The following DCHS2 variants were observed in gnomAD, a reference collection of about 807,000 sequenced individuals.
DCHS2 encodes the protein dachsous cadherin-related 2.
A neutral mutation model predicts 182.4 loss-of-function variants in DCHS2; 142 were observed. That is an observed-to-expected ratio of 0.78 (90% CI 0.68 to 0.89). DCHS2 has a LOEUF of 0.89. Ranked by LOEUF, DCHS2 falls within the 40% of genes least tolerant of loss-of-function variation. DCHS2 has a pLI of 0.00. For missense variants in DCHS2, 4,319 were observed against 4,198.6 expected (o/e 1.03, Z -0.79); for synonymous variants, 1,740 against 1,663.3 (o/e 1.05, Z -1.12).
intron 1 of DCHS2, among the ~76,000 whole-genome samples, chr4:154,428,932 T>A (rs1483668169): frequency 6.8e-6 from 1 of 148,094 alleles, no homozygotes; most frequent in East Asian, 2.0e-4. Context: ...GGAAAGTGGG[T>A]AAAAAGGCAA....
chr4:154,322,814 T>C, intron 7 of DCHS2: 1 of 258,266 alleles, frequency 3.9e-6, no homozygotes, highest in Non-Finnish European at 7.3e-6. Context: ...TTTTTTGAAG[T>C]AAGTTCCAGA....
At chr4:154,291,285 A>G (rs1369049855) in intron 13 of DCHS2, among the ~76,000 whole-genome samples, 3 of 148,844 alleles carry the variant, frequency 2.0e-5, no homozygotes, top group African/African-American at 7.5e-5. Flanking sequence ...AAAAGACAGG[A>G]AAAAAAAAAT....
Position 154,461,165 on chromosome 4 carries a change from C to T in DCHS2, c.2052+28139G>A, listed in dbSNP as rs1310755849. On this transcript the variant is annotated intron_variant, in intron 1 of 19. Coordinates refer to ENST00000357232, the MANE Select transcript of DCHS2 (RefSeq NM_001358235.2). ...ATCCTAGGCCCTGACCCATACTAAG[C>T]AATAGTATCACCAAAATTCAAATGC... 3.3e-5 allele frequency among the ~76,000 whole-genome samples: 5 copies of T among 152,254 alleles called. No individual in the cohort carries two copies. The East Asian group carries it at 9.6e-4, about 29-fold the overall frequency.
At chr4:154,239,378 A>G (rs1731692189) in intron 18 of DCHS2, 76 bp from the exon 19 acceptor site, 2 of 1,576,366 alleles carry the variant, frequency 1.3e-6, no homozygotes, top group Non-Finnish European at 8.6e-7. Flanking sequence ...ACAGAACATG[A>G]GGTCATTTTA....
intron 1 of DCHS2, among the ~76,000 whole-genome samples, chr4:154,416,929 G>C (rs564953001): frequency 6.6e-6 from 1 of 151,972 alleles, no homozygotes; most frequent in African/African-American, 2.4e-5. Flanking sequence ...ACACGAAATC[G>C]CTCCTTTCCT....
chr4:154,413,074 T>C (rs1353709174), intron 1 of DCHS2, among the ~76,000 whole-genome samples: 3 of 152,184 alleles, frequency 2.0e-5, no homozygotes, highest in African/African-American at 7.2e-5. Context: ...AGCAGGCTTA[T>C]TTTTAATTAC....
intron 1 of DCHS2, among the ~76,000 whole-genome samples, chr4:154,480,125 G>T (rs2111034892): frequency 6.6e-6 from 1 of 152,278 alleles, no homozygotes; most frequent in South Asian, 2.1e-4. Flanking sequence ...GACCAGACAA[G>T]TCAATCTCTA....
At chr4:154,454,404 C>T (rs1042310608) in intron 1 of DCHS2, among the ~76,000 whole-genome samples, 5 of 152,080 alleles carry the variant, frequency 3.3e-5, no homozygotes, top group Non-Finnish European at 7.4e-5. Flanking sequence ...CCATCATGCT[C>T]AGTTAATTTT....
At chr4:154,343,518 CCATCAGCACTTGCTGCTT>C (rs2111390063) in intron 3 of DCHS2, 1 of 1,504,306 alleles carries the variant, frequency 6.6e-7, no homozygotes, top group South Asian at 1.4e-5. Context: ...TGCAGCTTCT[CCATCAGCACTTGCTGCTT>C]CATCTTGCAC....
At position 154,332,861 on chromosome 4, in the gene DCHS2, G is replaced by C; in HGVS notation, c.3347C>G (p.Ala1116Gly). Reference sequence around the variant, plus strand: ...CAGCGAGTACCTAAGAGGCGAGGCTGCACGCTGGGGGCCAAGTGGGTGCGC... The same window carrying C: ...CAGCGAGTACCTAAGAGGCGAGGCTCCACGCTGGGGGCCAAGTGGGTGCGC... ...TQAHPLGPQR[A>G]ASPLRYSLEP... Residue 1116 changes from alanine to glycine, a missense_variant, in exon 5 of 20, where the codon GCA becomes GGA. By Grantham distance (60) the Ala-to-Gly change is moderately conservative (BLOSUM62 0). Coordinates refer to ENST00000357232, the MANE Select transcript of DCHS2 (RefSeq NM_001358235.2). The C allele has an allele frequency of 6.2e-7, 1 of 1,614,236 alleles. No homozygotes were observed. Among genetic ancestry groups the C allele is most frequent in the Non-Finnish European group, 8.5e-7 (1 of 1,180,028 alleles).
At chr4:154,373,054 G>C (rs989373255) in intron 2 of DCHS2, among the ~76,000 whole-genome samples, 1 of 152,142 alleles carries the variant, frequency 6.6e-6, no homozygotes, top group Non-Finnish European at 1.5e-5. Flanking sequence ...GATTGTCAAG[G>C]TAACAACATA....
At position 154,332,830 on chromosome 4, in the gene DCHS2, G is replaced by A. The variant is rs1447257387; in HGVS notation, c.3378C>T (p.Pro1126=). The A allele has an allele frequency of 1.9e-6, 3 of 1,614,140 alleles. No homozygotes were observed. Among genetic ancestry groups the A allele is most frequent in the Non-Finnish European group, 2.5e-6 (3 of 1,180,054 alleles). Residue 1126 remains proline, a synonymous_variant, in exon 5 of 20, where the codon CCC becomes CCT. Coordinates refer to ENST00000357232, the MANE Select transcript of DCHS2 (RefSeq NM_001358235.2). ...AASPLRYSLE[P]SVDSAMFGIR... ...TTCCAAACATAGCAGAGTCTACGCT[G>A]GGTTCCAGCGAGTACCTAAGAGGCG... is the stretch of plus-strand genomic sequence containing the variant.
At chr4:154,328,517 C>G (rs1736386743) in intron 6 of DCHS2, among the ~76,000 whole-genome samples, 1 of 152,124 alleles carries the variant, frequency 6.6e-6, no homozygotes, top group Non-Finnish European at 1.5e-5. Flanking sequence ...TCTCATTCAT[C>G]ATCTCTTAGG....
intron 1 of DCHS2, among the ~76,000 whole-genome samples, chr4:154,465,494 C>T (rs1560775296): frequency 6.6e-6 from 1 of 152,070 alleles, no homozygotes; most frequent in South Asian, 2.1e-4. Context: ...CATCGTGAAA[C>T]CCTGTCTCTA....
At chr4:154,391,683 T>C (rs924907642) in intron 1 of DCHS2, among the ~76,000 whole-genome samples, 3 of 152,140 alleles carry the variant, frequency 2.0e-5, no homozygotes, top group Non-Finnish European at 4.4e-5. Context: ...GAATCCAAAG[T>C]AAAAGGTGAC....
At chr4:154,424,976 TA>T (rs1733263277) in intron 1 of DCHS2, among the ~76,000 whole-genome samples, 1 of 152,184 alleles carries the variant, frequency 6.6e-6, no homozygotes, top group South Asian at 2.1e-4. Context: ...ATTTCTTTTT[TA>T]ATTAACATCT....
chr4:154,448,755 C>A (rs1293413209), intron 1 of DCHS2, among the ~76,000 whole-genome samples: 1 of 152,204 alleles, frequency 6.6e-6, no homozygotes, highest in Non-Finnish European at 1.5e-5. Context: ...TCTCTGTTTC[C>A]TCTGGCTGAG....
chr4:154,311,987 A>G (rs6535993), intron 10 of DCHS2, among the ~76,000 whole-genome samples: 128,114 of 151,760 alleles, frequency 0.84, 57,148 homozygotes, highest in Non-Finnish European at 0.98. Flanking sequence ...TTATGCAAAT[A>G]TATTTATAAT....
In DCHS2 at chr4:154,236,162, C is replaced by G; in HGVS notation, c.8490G>C (p.Leu2830Phe). The change falls in exon 20 of 20, where the codon TTG becomes TTC. Residue 2830 changes from leucine (L) to phenylalanine (F), a missense_variant. Transcript: ENST00000357232. ...TTTGCTTAGCATGAATATCCCCTGT[C>G]AAAGGGTCAATGAGGAAGAGATCAT... is the stretch of plus-strand genomic sequence containing the variant. Reference protein sequence around the residue: ...YDHDLFLIDPLTGDIHAKQIL... With the variant: ...YDHDLFLIDPFTGDIHAKQIL... 6.2e-7 allele frequency: 1 copy of G among 1,613,740 alleles called. No homozygotes were observed. The highest frequency in any genetic ancestry group is 8.5e-7 in the Non-Finnish European group (1 of 1,179,944).
Sources: gnomAD v4.1 joint callset for allele counts (sites outside exome capture counted in the v4.1 genomes callset) on GRCh38, gnomAD v4.1.1 for gene constraint, MANE v1.5 for transcripts, NCBI Gene and HGNC (gene_info 2026-07-23, HGNC 2026-07-21) for gene names.